FAAP100: variants seen among roughly 807,000 people sequenced by gnomAD.
FAAP100 encodes the protein Fanconi anemia core complex-associated protein 100.
FAAP100 carries 46 observed loss-of-function variants against 65.8 expected under a neutral mutation model. That is an observed-to-expected ratio of 0.70 (90% CI 0.55 to 0.89). The LOEUF (loss-of-function observed/expected upper bound fraction) is 0.89, where lower values mean the gene tolerates loss of function less well. Among genes scored for constraint, FAAP100 ranks in the 40% least tolerant of loss-of-function variants. The probability of loss-of-function intolerance (pLI) is 0.00; values close to 1 mark genes in which losing one functional copy is unlikely to be tolerated. For missense variants in FAAP100, 1,165 were observed against 1,196.7 expected (o/e 0.97, Z 0.39); for synonymous variants, 663 against 555.1 (o/e 1.19, Z -2.73).
chr17:81,551,890 A>C (rs2033507708), intron 2 of FAAP100, 38 bp downstream of exon 2: 6 of 1,520,202 alleles, frequency 3.9e-6, no homozygotes, highest in Non-Finnish European at 4.4e-6. Flanking sequence ...CGGGGGCAGC[A>C]GGAGTGTGCG....
At chr17:81,548,243 G>A (rs2033380438) in intron 4 of FAAP100, 2 of 540,892 alleles carry the variant, frequency 3.7e-6, no homozygotes, top group Non-Finnish European at 6.6e-6. Context: ...TGAACGTCCC[G>A]AAGCCAGTGC....
chr17:81,541,078 C>T (rs895460664), intron 8 of FAAP100, 128 bp from the exon 9 acceptor site: 1 of 1,271,806 alleles, frequency 7.9e-7, no homozygotes, highest in Non-Finnish European at 1.1e-6. Flanking sequence ...GAAGAACACT[C>T]ATCCGGAACC....
chr17:81,542,528 C>G (rs899461330), intron 7 of FAAP100, among the ~76,000 whole-genome samples: 3 of 152,192 alleles, frequency 2.0e-5, no homozygotes, highest in African/African-American at 7.2e-5. Context: ...GGTGGCTGCA[C>G]TGTGTGCTGG....
intron 6 of FAAP100, among the ~76,000 whole-genome samples, chr17:81,545,246 G>A (rs2033256820): frequency 6.6e-6 from 1 of 152,266 alleles, no homozygotes; most frequent in Non-Finnish European, 1.5e-5. Context: ...TGTCCTGGCA[G>A]CCTGGGCTAC....
intron 7 of FAAP100, among the ~76,000 whole-genome samples, chr17:81,542,166 C>CAAAAAAA (rs1157407171): frequency 4.7e-5 from 3 of 63,722 alleles, no homozygotes; most frequent in Non-Finnish European, 7.4e-5. Context: ...GACTCCGTCT[C>CAAAAAAA]AAAAAAAAAA....
rs765497015 is a variant in FAAP100, at chr17:81,545,873, A to G, written c.2183T>C (p.Leu728Pro). 1.2e-6 allele frequency: 2 copies of G among 1,607,044 alleles called. No homozygotes were observed. The highest frequency in any genetic ancestry group is 1.1e-5 in the South Asian group (1 of 91,058). The change falls in exon 6 of 9, where the codon CTG becomes CCG. Residue 728 changes from leucine to proline, a missense_variant. Physicochemically the swap from Leu to Pro is moderately conservative, Grantham distance 98. Transcript: ENST00000327787. ...ALKDGHSGVP[L>P]CCATLQWLLA... ...GAGCCACTGCAGGGTGGCACAGCAC[A>G]GGGGCACGCCTGGAGGGGAGGCATC...
chr17:81,548,197 AGCAGGGGAGGCTGCGC>A, intron 4 of FAAP100: 1 of 591,698 alleles, frequency 1.7e-6, no homozygotes, highest in Non-Finnish European at 3.0e-6. Flanking sequence ...ATGTGAGGGG[AGCAGGGGAGGCTGCGC>A]GCACTCAGTG....
intron 2 of FAAP100, 27 bp downstream of exon 2, chr17:81,551,901 G>A: frequency 6.5e-7 from 1 of 1,531,900 alleles, no homozygotes. Context: ...GGAGTGTGCG[G>A]GAGGGAGGCC....
intron 7 of FAAP100, among the ~76,000 whole-genome samples, chr17:81,543,663 C>T (rs2033195726): frequency 6.6e-6 from 1 of 152,186 alleles, no homozygotes; most frequent in African/African-American, 2.4e-5. Context: ...GCAGCCTCTG[C>T]CCAGCCAGAG....
At position 81,540,809 on chromosome 17, in the gene FAAP100, G is replaced by T; in HGVS notation, c.*10C>A. 2.6e-6 allele frequency: 4 copies of T among 1,509,808 alleles called. No individual in the cohort carries two copies. The highest frequency in any genetic ancestry group is 3.5e-6 in the Non-Finnish European group (4 of 1,128,058). 93.5% of individuals were successfully genotyped at this position (1,509,808 alleles called of 1,614,324 possible). The stretch of plus-strand genomic sequence containing the variant: ...AAGCGTGGCCAGAGCCCAGGGGCAG[G>T]CCCGCCTGGTCACAGCAGGATGAGG... On this transcript the variant is annotated 3_prime_UTR_variant, in exon 9 of 9. Coordinates refer to ENST00000327787, the MANE Select transcript of FAAP100 (RefSeq NM_025161.6).
rs143011916 is a variant in FAAP100, at chr17:81,545,834, G to C, written c.2222C>G (p.Ala741Gly). 68 of 1,611,098 alleles carry C rather than the reference G, an allele frequency of 4.2e-5. 1 individual carries two copies. The African/African-American group carries it at 8.1e-4, about 19-fold the overall frequency. The change falls in exon 6 of 9, where the codon GCT becomes GGT. Residue 741 changes from alanine to glycine, a missense_variant. Physicochemically the swap from Ala to Gly is moderately conservative, Grantham distance 60 (BLOSUM62 0). Coordinates refer to ENST00000327787, the MANE Select transcript of FAAP100 (RefSeq NM_025161.6). ...ATLQWLLAEN[A>G]AVDVVRARAL... is the part of the protein sequence containing the mutation. Reference sequence around the variant, plus strand: ...TCGGGCCCTCACGACGTCCACAGCAGCATTCTCAGCAAGGAGCCACTGCAG... The same window carrying C: ...TCGGGCCCTCACGACGTCCACAGCACCATTCTCAGCAAGGAGCCACTGCAG...
chr17:81,550,750 G>A lies in FAAP100; in HGVS notation c.744C>T (p.Gly248=). 6.2e-7 allele frequency: 1 copy of A among 1,612,340 alleles called. No homozygotes were observed. Residue 248 remains glycine, a synonymous_variant, in exon 3 of 9, where the codon GGC becomes GGT. Transcript: ENST00000327787. ...SPVVLCGLPD[G]QLCCVILKAL... is the part of the protein sequence containing the mutation. ...CCTTCAGGATCACACAGCAGAGCTG[G>A]CCATCAGGGAGACCACAGAGGACCA...
At chr17:81,546,025 C>T (rs2033286747) in intron 5 of FAAP100, 143 bp from the exon 6 acceptor site, 1 of 1,178,370 alleles carries the variant, frequency 8.5e-7, no homozygotes. Context: ...CAGCCCCACC[C>T]TAAGCTGCGG....
In FAAP100 at chr17:81,541,393, C is replaced by G. The variant is rs375527021; in HGVS notation, c.2430G>C (p.Thr810=). Residue 810 remains threonine, a splice_region_variant and synonymous_variant, in exon 8 of 9, where the codon ACG becomes ACC. Transcript: ENST00000327787. ...CCTGGGTGGCCTGCTCTGTCACCAT[C>G]GTCTGGGGGACACAGGAGACATGCT... The part of the protein sequence containing the change: ...AHHAVVGRMQ[T]MVTEQATQGS... 1.6e-5 allele frequency: 26 copies of G among 1,605,310 alleles called. No individual in the cohort carries two copies. The highest frequency in any genetic ancestry group is 2.1e-5 in the Non-Finnish European group (25 of 1,175,422).
chr17:81,552,289 G>A lies in FAAP100; in HGVS notation c.42C>T (p.Phe14=). 1.4e-6 allele frequency: 2 copies of A among 1,455,570 alleles called. No homozygotes were observed. Among genetic ancestry groups the A allele is most frequent in the Non-Finnish European group, 1.8e-6 (2 of 1,111,422 alleles). 90.2% of individuals were successfully genotyped at this position (1,455,570 alleles called of 1,614,324 possible). A position where few individuals can be genotyped will look rare whatever the true frequency, so the allele number is the denominator to read the frequency against. ...CCGCCAGGCCCCCGAGAGGGCAGCA[G>A]AAGCCCGCCAGGTAGCGGACCCGCG... ...AAPRVRYLAG[F]CCPLGGLAAG... is the part of the protein sequence containing the mutation. Residue 14 remains phenylalanine, a synonymous_variant, in exon 1 of 9, where the codon TTC becomes TTT. Transcript: ENST00000327787.
At position 81,551,104 on chromosome 17, in the gene FAAP100, C is replaced by T. The variant is rs1267052163; in HGVS notation, c.390G>A (p.Leu130=). 6.4e-7 allele frequency: 1 copy of T among 1,560,402 alleles called. No individual in the cohort carries two copies. Among genetic ancestry groups the T allele is most frequent in the Admixed American group, 1.9e-5 (1 of 52,346 alleles). Residue 130 remains leucine (L), a synonymous_variant, in exon 3 of 9, where the codon CTG becomes CTA. Transcript: ENST00000327787. ...CACTGTCCAGCAAGGTGAACGCGCACAGCGCAGCATCGGGAAGGATGCAGG... is the reference window on the plus strand; with the variant it reads ...CACTGTCCAGCAAGGTGAACGCGCATAGCGCAGCATCGGGAAGGATGCAGG... ...PDACILPDAA[L]CAFTLLDSVL...
Position 81,550,414 on chromosome 17 carries a change from G to A in FAAP100, c.1080C>T (p.His360=), listed in dbSNP as rs2143961731. 6.2e-7 allele frequency: 1 copy of A among 1,612,566 alleles called. No homozygotes were observed. The highest frequency in any genetic ancestry group is 1.1e-5 in the South Asian group (1 of 91,062). ...AACGGGGRVY[H]STPSDLCVVD... ...CCACACAGAGGTCAGAAGGGGTGCT[G>A]TGGTACACGCGGCCACCCCCGCCAC... The change falls in exon 3 of 9, where the codon CAC becomes CAT. Residue 360 remains histidine (H), a synonymous_variant. Coordinates refer to ENST00000327787, the MANE Select transcript of FAAP100 (RefSeq NM_025161.6).
At position 81,550,641 on chromosome 17, in the gene FAAP100, T is replaced by G. The variant is rs759311328; in HGVS notation, c.853A>C (p.Ile285Leu). ...LHHLEEPVIF[I>L]GALKTEPQAA... Reference sequence around the variant, plus strand: ...TGTGGCTCTGTCTTCAAGGCCCCTATGAAGATGACGGGCTCCTCCAGGTGA... The same window carrying G: ...TGTGGCTCTGTCTTCAAGGCCCCTAGGAAGATGACGGGCTCCTCCAGGTGA... The change falls in exon 3 of 9, where the codon ATA becomes CTA. Residue 285 changes from isoleucine (I) to leucine (L), a missense_variant. By Grantham distance (5) the Ile-to-Leu change is conservative. Coordinates refer to ENST00000327787, the MANE Select transcript of FAAP100 (RefSeq NM_025161.6). 1.9e-6 allele frequency: 3 copies of G among 1,613,006 alleles called. No individual in the cohort carries two copies. The Admixed American group carries it at 5.0e-5, about 27-fold the overall frequency.
At chr17:81,544,192 G>A (rs1266061646) in intron 6 of FAAP100, 72 bp from the exon 7 acceptor site, 30 of 1,275,938 alleles carry the variant, frequency 2.4e-5, no homozygotes, top group African/African-American at 4.4e-5. Flanking sequence ...GGCTACACAG[G>A]AGCCTCCCCA....
Sources: gnomAD v4.1 joint callset for allele counts (sites outside exome capture counted in the v4.1 genomes callset) on GRCh38, gnomAD v4.1.1 for gene constraint, MANE v1.5 for transcripts, NCBI Gene and HGNC (gene_info 2026-07-23, HGNC 2026-07-21) for gene names.